DLG2: variants seen among roughly 807,000 people sequenced by gnomAD.
The protein encoded by DLG2 is disks large homolog 2.
A neutral mutation model predicts 132.5 loss-of-function variants in DLG2; 45 were observed. The observed-to-expected ratio is 0.34, with a 90% CI of 0.27 to 0.44. The LOEUF (loss-of-function observed/expected upper bound fraction) is 0.44. Ranked by LOEUF, DLG2 falls within the 20% of genes least tolerant of loss-of-function variation. DLG2 has a pLI of 1.00. For synonymous variants in DLG2, 424 were observed against 419.6 expected, an observed-to-expected ratio of 1.01 and a Z score of -0.13; for missense variants, 1,045 against 1,196.9, an observed-to-expected ratio of 0.87 and a Z score of 1.87.
At chr11:84,150,261 G>T (rs527654213) in intron 9 of DLG2, among the ~76,000 whole-genome samples, 4 of 152,264 alleles carry the variant, frequency 2.6e-5, no homozygotes, top group Admixed American at 2.0e-4. Flanking sequence ...TCTCCTGGTA[G>T]AGATCTTTCT....
chr11:84,615,101 G>C lies in DLG2; in HGVS notation c.358-80370C>G, dbSNP rs149626360. ...GAATATTACCCCCTTGATTTATTCT[G>C]TCACTACAAATGGTTGTGTATGACA... is the stretch of plus-strand genomic sequence containing the variant. On this transcript the variant is annotated intron_variant, in intron 6 of 27. Transcript: ENST00000376104. Among the ~76,000 whole-genome samples the C allele has an allele frequency of 2.3e-3, 343 of 152,210 alleles. 2 individuals carry two copies. Among genetic ancestry groups the C allele is most frequent in the Non-Finnish European group, 4.0e-3 (270 of 68,002 alleles).
intron 3 of DLG2, among the ~76,000 whole-genome samples, chr11:85,458,178 A>G (rs900705427): frequency 4.6e-5 from 7 of 152,162 alleles, no homozygotes; most frequent in Non-Finnish European, 1.0e-4. Flanking sequence ...TATTTCAACA[A>G]GACAGTCTCT....
chr11:85,545,631 G>A (rs1043360130), intron 3 of DLG2, among the ~76,000 whole-genome samples: 1 of 152,040 alleles, frequency 6.6e-6, no homozygotes, highest in Non-Finnish European at 1.5e-5. Flanking sequence ...GCTTTTTTTG[G>A]TTGGTAGGCT....
At chr11:84,605,591 CA>C (rs11323561) in intron 6 of DLG2, among the ~76,000 whole-genome samples, 26,833 of 117,926 alleles carry the variant, frequency 0.23, 2,502 homozygotes, top group African/African-American at 0.31. Flanking sequence ...TAATCCTCTG[CA>C]AAAAAAAAAA....
chr11:84,183,011 A>G (rs966002028), intron 8 of DLG2, among the ~76,000 whole-genome samples: 1 of 152,136 alleles, frequency 6.6e-6, no homozygotes, highest in African/African-American at 2.4e-5. Context: ...TGTTTTCTTG[A>G]AAGACACCAT....
chr11:84,593,703 G>A (rs58249194), intron 6 of DLG2, among the ~76,000 whole-genome samples: 9,865 of 152,172 alleles, frequency 0.065, 361 homozygotes, highest in South Asian at 0.078. Flanking sequence ...TGTAGACGAC[G>A]GGTTGATGGC....
At chr11:84,188,228 G>A (rs1300870229) in intron 8 of DLG2, among the ~76,000 whole-genome samples, 2 of 152,078 alleles carry the variant, frequency 1.3e-5, no homozygotes, top group Admixed American at 1.3e-4. Flanking sequence ...AGGGATATAT[G>A]CAAAGAAAAG....
At chr11:84,971,130 C>T (rs966232952) in intron 6 of DLG2, among the ~76,000 whole-genome samples, 13 of 152,198 alleles carry the variant, frequency 8.5e-5, no homozygotes, top group African/African-American at 2.2e-4. Context: ...GGTACAAAGA[C>T]GGCAGTATTT....
intron 12 of DLG2, among the ~76,000 whole-genome samples, chr11:83,978,587 CAAAA>C (rs1313030849): frequency 6.6e-6 from 1 of 151,932 alleles, no homozygotes; most frequent in Non-Finnish European, 1.5e-5. Context: ...AACAAACAAA[CAAAA>C]ATTCAGAATT....
chr11:85,350,467 T>A (rs933705445), intron 3 of DLG2, among the ~76,000 whole-genome samples: 1 of 152,144 alleles, frequency 6.6e-6, no homozygotes, highest in Non-Finnish European at 1.5e-5. Context: ...GGTGTTTTAG[T>A]CATGAAGTCC....
At chr11:84,391,535 T>A (rs1317518501) in intron 7 of DLG2, among the ~76,000 whole-genome samples, 1 of 152,138 alleles carries the variant, frequency 6.6e-6, no homozygotes, top group Non-Finnish European at 1.5e-5. Context: ...AAACAATCGA[T>A]ATTTTACCAT....
At chr11:84,440,993 G>A (rs549988251) in intron 7 of DLG2, among the ~76,000 whole-genome samples, 1 of 152,178 alleles carries the variant, frequency 6.6e-6, no homozygotes, top group African/African-American at 2.4e-5. Context: ...TTTCAGTGTT[G>A]AATATAGACC....
intron 6 of DLG2, among the ~76,000 whole-genome samples, chr11:84,749,652 C>A (rs1225121204): frequency 6.6e-6 from 1 of 151,984 alleles, no homozygotes; most frequent in Non-Finnish European, 1.5e-5. Context: ...AGTGAAATTG[C>A]CTAATGATGC....
intron 6 of DLG2, among the ~76,000 whole-genome samples, chr11:85,034,140 C>T (rs182089570): frequency 2.0e-5 from 3 of 150,858 alleles, no homozygotes; most frequent in Non-Finnish European, 4.4e-5. Flanking sequence ...TGCAGTGGCG[C>T]AATTTCGGCT....
At chr11:84,741,996 T>C (rs2153824346) in intron 6 of DLG2, among the ~76,000 whole-genome samples, 1 of 152,040 alleles carries the variant, frequency 6.6e-6, no homozygotes, top group African/African-American at 2.4e-5. Context: ...CAAACAGGAA[T>C]TCTATAACTG....
At chr11:83,626,900 C>A (rs771973554) in intron 19 of DLG2, among the ~76,000 whole-genome samples, 2 of 152,266 alleles carry the variant, frequency 1.3e-5, no homozygotes, top group African/African-American at 4.8e-5. Context: ...TGCTGGCCAT[C>A]TCCTTCAGGC....
chr11:84,670,229 C>G (rs144085634), intron 6 of DLG2, among the ~76,000 whole-genome samples: 11 of 152,230 alleles, frequency 7.2e-5, no homozygotes, highest in Middle Eastern at 6.8e-3. Flanking sequence ...CACTGTATTT[C>G]TCATTAACAA....
intron 7 of DLG2, among the ~76,000 whole-genome samples, chr11:84,253,263 CTGATTGTA>C (rs1300664428): frequency 5.3e-5 from 8 of 152,054 alleles, no homozygotes; most frequent in Non-Finnish European, 1.0e-4. Context: ...TAGCAACTTT[CTGATTGTA>C]TGATTTGGGG....
chr11:85,203,812 C>T (rs1429835605), intron 4 of DLG2, among the ~76,000 whole-genome samples: 1 of 151,984 alleles, frequency 6.6e-6, no homozygotes, highest in Non-Finnish European at 1.5e-5. Context: ...AAACTGGATA[C>T]CACACATTAA....
Sources: allele counts gnomAD v4.1 joint callset (sites outside exome capture counted in the v4.1 genomes callset), GRCh38; gene constraint gnomAD v4.1.1; transcripts MANE v1.5; gene names NCBI Gene and HGNC (gene_info 2026-07-23, HGNC 2026-07-21).